Variants in BSCL2 observed in about 807,000 individuals in gnomAD.
The protein encoded by BSCL2 is seipin.
BSCL2 carries 41 observed loss-of-function variants against 57.4 expected under a neutral mutation model. The ratio of observed to expected loss-of-function variants is 0.71; its 90% CI spans 0.56 to 0.93. The LOEUF is 0.93. BSCL2 is among the 40% of genes least tolerant of loss of function. The pLI, the probability that BSCL2 is intolerant of heterozygous loss-of-function variation, is 0.00. For synonymous variants in BSCL2, 237 were observed against 227.3 expected (o/e 1.04, Z -0.38); for missense variants, 539 against 586.7 (o/e 0.92, Z 0.84).
In BSCL2 at chr11:62,690,321, A is replaced by T. The variant is rs777695987; in HGVS notation, c.*46T>A. On this transcript the variant is annotated 3_prime_UTR_variant, in exon 11 of 11. Transcript: ENST00000360796. Reference sequence around the variant, plus strand: ...ATTGAAGGAAAAACGAGGGGAGAGGAGTCAGGTGGGAAAGTGCTGGAATGT... The same window carrying T: ...ATTGAAGGAAAAACGAGGGGAGAGGTGTCAGGTGGGAAAGTGCTGGAATGT... 8 of 1,612,694 alleles carry T rather than the reference A, an allele frequency of 5.0e-6. No homozygotes were observed. The highest frequency in any genetic ancestry group is 6.8e-6 in the Non-Finnish European group (8 of 1,179,628).
chr11:62,709,456 A>G (rs1487382763), upstream of BSCL2: 1 of 453,896 alleles, frequency 2.2e-6, no homozygotes, highest in Admixed American at 2.4e-5. Flanking sequence ...AACAGGCCGA[A>G]GAGGGGGGAT....
chr11:62,691,395 G>A lies in BSCL2; in HGVS notation c.890C>T (p.Thr297Ile). The change falls in exon 7 of 11, where the codon ACC (threonine) becomes ATC (isoleucine). Residue 297 changes from threonine to isoleucine, a missense_variant. Physicochemically the swap from Thr to Ile is moderately conservative, Grantham distance 89. Around this residue, in one of 3 missense-constraint regions of BSCL2, gnomAD observed 248 missense variants for 239.9 expected, o/e 1.03. Coordinates refer to ENST00000360796, the MANE Select transcript of BSCL2 (RefSeq NM_001122955.4). ...GCTGGCAACACCTATGAAGGCGCAGGTCATCGGGAAGTTGTATAGCAGGTA... is the reference window on the plus strand; with the variant it reads ...GCTGGCAACACCTATGAAGGCGCAGATCATCGGGAAGTTGTATAGCAGGTA... ...LRYLLYNFPM[T>I]CAFIGVASNF... 6.2e-7 allele frequency: 1 copy of A among 1,614,202 alleles called. No individual in the cohort carries two copies. The highest frequency in any genetic ancestry group is 8.5e-7 in the Non-Finnish European group (1 of 1,180,038).
intron 1 of BSCL2, chr11:62,706,124 C>T (rs2083527276): frequency 2.5e-6 from 2 of 787,320 alleles, no homozygotes; most frequent in Non-Finnish European, 3.2e-6. Context: ...CCACGCCCGG[C>T]GGAGCGCCCT....
Position 62,707,266 on chromosome 11 carries a change from TC to T in BSCL2, c.-72del. ...TTGTGGCTAAAACGTGAAGTGGCGA[TC>T]CAGACGCTGATACCTGTGGCGCATC... On this transcript the variant is annotated 5_prime_UTR_variant, in exon 1 of 11. An upstream open reading frame in the 5' UTR loses its in-frame stop. Transcript: ENST00000360796. 7.6e-7 allele frequency: 1 copy of T among 1,307,930 alleles called. No homozygotes were observed. The highest frequency in any genetic ancestry group is 1.1e-6 in the Non-Finnish European group (1 of 925,016). 81.0% of individuals were successfully genotyped at this position (1,307,930 alleles called of 1,614,324 possible). A position where few individuals can be genotyped will look rare whatever the true frequency, so the allele number is the denominator to read the frequency against.
At chr11:62,696,384 T>C (rs1945463065) in intron 3 of BSCL2, among the ~76,000 whole-genome samples, 2 of 150,872 alleles carry the variant, frequency 1.3e-5, no homozygotes, top group African/African-American at 4.9e-5. Flanking sequence ...GCCTGGAACT[T>C]CTGGGCTCAA....
chr11:62,708,420 A>T (rs893496034), upstream of BSCL2: 4 of 1,511,394 alleles, frequency 2.6e-6, no homozygotes, highest in Non-Finnish European at 1.8e-6. Context: ...GCTGGCTCCC[A>T]TTAGTTGGCC....
chr11:62,707,554 A>C (rs114591017), upstream of BSCL2: 2,149 of 593,714 alleles, frequency 3.6e-3, 30 homozygotes, highest in African/African-American at 0.033. Context: ...CAGAGTCAGG[A>C]TGCCTGCAAT....
chr11:62,707,054 C>T (rs1590887296), intron 1 of BSCL2, 55 bp downstream of exon 1: 2 of 1,479,274 alleles, frequency 1.4e-6, no homozygotes, highest in East Asian at 2.5e-5. Context: ...CCCCTTCACG[C>T]CAGCCCACCT....
chr11:62,699,448 G>A (rs1446467524), intron 3 of BSCL2, among the ~76,000 whole-genome samples: 7 of 151,896 alleles, frequency 4.6e-5, no homozygotes, highest in Admixed American at 3.3e-4. Flanking sequence ...CGCCTGCCTC[G>A]GCCTCCCAAA....
intron 3 of BSCL2, among the ~76,000 whole-genome samples, chr11:62,699,671 T>C (rs1049935255): frequency 4.5e-5 from 6 of 132,420 alleles, no homozygotes; most frequent in East Asian, 2.3e-4. Context: ...CAAAATCCTA[T>C]CTGGTTTTTT....
chr11:62,690,371 G>T lies in BSCL2; in HGVS notation c.1385C>A (p.Ser462Tyr), dbSNP rs1945271930. 2 of 1,614,008 alleles carry T rather than the reference G, an allele frequency of 1.2e-6. No individual in the cohort carries two copies. Among genetic ancestry groups the T allele is most frequent in the Non-Finnish European group, 1.7e-6 (2 of 1,180,036 alleles). The change falls in exon 11 of 11, where the codon TCC becomes TAC. Residue 462 changes from serine to tyrosine, a missense_variant. Around this residue, in one of 3 missense-constraint regions of BSCL2, gnomAD observed 248 missense variants for 239.9 expected, o/e 1.03. Coordinates refer to ENST00000360796, the MANE Select transcript of BSCL2 (RefSeq NM_001122955.4). ...TGAGGAGTCTGCCCCTTTTCTTCAG[G>T]AACTAGAGCAGGTGGGGCGCTGTCG... ...ALRQRPTCSSS is the reference protein window; with the variant it reads ...ALRQRPTCSSY
At chr11:62,697,657 G>A (rs1229293745) in intron 3 of BSCL2, 1 of 151,622 alleles carries the variant, frequency 6.6e-6, no homozygotes, top group South Asian at 2.1e-4. Context: ...AGCTGGACAT[G>A]GTGGCATGCG....
At chr11:62,695,165 T>C (rs1945419294) in intron 3 of BSCL2, among the ~76,000 whole-genome samples, 1 of 152,204 alleles carries the variant, frequency 6.6e-6, no homozygotes. Flanking sequence ...TTTCTGCCAT[T>C]CTAGCTCCCT....
chr11:62,706,782 G>T, intron 1 of BSCL2: 1 of 563,224 alleles, frequency 1.8e-6, no homozygotes, highest in Non-Finnish European at 3.4e-6. Context: ...TTGTTGCGCA[G>T]GCAGATTAGT....
At chr11:62,701,661 C>T (rs969065843) in intron 3 of BSCL2, among the ~76,000 whole-genome samples, 1 of 151,874 alleles carries the variant, frequency 6.6e-6, no homozygotes, top group Non-Finnish European at 1.5e-5. Flanking sequence ...GAAATCCCAT[C>T]CCTACTAAAA....
intron 2 of BSCL2, among the ~76,000 whole-genome samples, chr11:62,704,568 CA>C (rs60839685): frequency 0.71 from 107,104 of 150,070 alleles, 39,024 homozygotes; most frequent in Admixed American, 0.81. Flanking sequence ...AATAACAAAA[CA>C]AAAAAAAACC....
In BSCL2 at chr11:62,694,457, G is replaced by A. The variant is rs184922018; in HGVS notation, c.630+111C>T. ...TGGGCTCAAGCGATCTGCCTGCCTCGGCCTCCCAAACTGCTGGGATTATAG... is the reference window on the plus strand; with the variant it reads ...TGGGCTCAAGCGATCTGCCTGCCTCAGCCTCCCAAACTGCTGGGATTATAG... On this transcript the variant is annotated intron_variant, in intron 4 of 10. Transcript: ENST00000360796. The A allele has an allele frequency of 3.5e-4, 531 of 1,510,812 alleles. 1 individual carries two copies. Among genetic ancestry groups the A allele is most frequent in the Middle Eastern group, 2.3e-4 (1 of 4,378 alleles). The allele number at this position is 1,510,812 out of a possible 1,614,324, so 93.6% of individuals were successfully genotyped here.
At chr11:62,708,284 C>CT (rs1335526572), upstream of BSCL2, 3 of 1,589,726 alleles carry the variant, frequency 1.9e-6, no homozygotes, top group Middle Eastern at 1.7e-4. Context: ...AGAGGTCCCT[C>CT]TTTTTTCCAG....
intron 2 of BSCL2, 51 bp downstream of exon 2, chr11:62,705,250 G>T: frequency 1.3e-6 from 2 of 1,510,566 alleles, no homozygotes; most frequent in Non-Finnish European, 1.8e-6. Flanking sequence ...AACTCCAAGG[G>T]CCTTACAATT....
Sources: gnomAD v4.1 joint callset for allele counts (sites outside exome capture counted in the v4.1 genomes callset) on GRCh38, gnomAD v4.1.1 for gene constraint, gnomAD v4.1.1 regional missense constraint, MANE v1.5 for transcripts, NCBI Gene and HGNC (gene_info 2026-07-23, HGNC 2026-07-21) for gene names.